The following VSIG8 variants were observed in gnomAD, a reference collection of about 807,000 sequenced individuals.
VSIG8 encodes the protein V-set and immunoglobulin domain-containing protein 8.
In VSIG8, 32 loss-of-function variants were observed where a neutral mutation model predicts 42.6. The observed-to-expected ratio is 0.75, with a 90% CI of 0.57 to 1.01. VSIG8 has a LOEUF of 1.01. VSIG8 is among the 50% of genes least tolerant of loss of function. The probability of loss-of-function intolerance (pLI) is 0.00; values close to 1 mark genes in which losing one functional copy is unlikely to be tolerated. For missense variants in VSIG8, 529 were observed against 558.0 expected (o/e 0.95, Z 0.52); for synonymous variants, 290 against 243.8 (o/e 1.19, Z -1.77).
At chr1:159,855,323 G>C (rs527545203) in intron 6 of VSIG8, 3 of 1,505,630 alleles carry the variant, frequency 2.0e-6, no homozygotes, top group African/African-American at 2.8e-5. Context: ...CTGATGTTTC[G>C]CAGGCCCAGA....
At chr1:159,856,790 C>CAT in intron 4 of VSIG8, 147 bp from the exon 5 acceptor site, 2 of 1,041,302 alleles carry the variant, frequency 1.9e-6, no homozygotes, top group Non-Finnish European at 2.7e-6. Context: ...CACACACACA[C>CAT]TCCACTCTCC....
Position 159,858,189 on chromosome 1 carries a change from T to C in VSIG8, c.331A>G (p.Ile111Val), listed in dbSNP as rs759278278. Residue 111 changes from isoleucine (I) to valine (V), a missense_variant, in exon 3 of 7, where the codon ATC (isoleucine) becomes GTC (valine). Physicochemically the swap from Ile to Val is conservative, Grantham distance 29. Transcript: ENST00000368100. ...ASDPSQYDASINLMNLQVSDT... is the reference protein window; with the variant it reads ...ASDPSQYDASVNLMNLQVSDT... The stretch of plus-strand genomic sequence containing the variant: ...GATACCTGCAGGTTCATGAGGTTGA[T>C]GGAGGCATCGTACTGGCTTGGGTCT... 1.3e-5 allele frequency: 21 copies of C among 1,614,194 alleles called. No individual in the cohort carries two copies. In the East Asian group the frequency reaches 4.5e-4, roughly 34 times the overall value.
intron 1 of VSIG8, 137 bp downstream of exon 1, chr1:159,862,336 G>A (rs7519222): frequency 0.079 from 67,845 of 855,586 alleles, 3,087 homozygotes; most frequent in Middle Eastern, 0.14. Flanking sequence ...ACCCACACCC[G>A]GCTGCAGCAG....
At chr1:159,855,433 T>G in intron 6 of VSIG8, 1 of 1,415,078 alleles carries the variant, frequency 7.1e-7, no homozygotes. Context: ...TCTCCATCTT[T>G]CCCTCCATCC....
At chr1:159,858,003 C>A (rs777244351) in intron 3 of VSIG8, 37 bp from the exon 4 acceptor site, 60 of 1,611,810 alleles carry the variant, frequency 3.7e-5, no homozygotes, top group Non-Finnish European at 4.8e-5. Flanking sequence ...CAGGGCCCAG[C>A]CAAGAGACAG....
chr1:159,854,742 G>A lies in VSIG8; in HGVS notation c.*11C>T, dbSNP rs1490366937. The A allele has an allele frequency of 2.1e-6, 3 of 1,461,734 alleles. No individual in the cohort carries two copies. The highest frequency in any genetic ancestry group is 2.7e-6 in the Non-Finnish European group (3 of 1,115,750). The allele number at this position is 1,461,734 out of a possible 1,614,324, so 90.5% of individuals were successfully genotyped here. ...TCCTGGCTGGGGCGCAGCCCGGCCCGGCGCGCGCGCTCACACCAAGAGGCC... is the reference window on the plus strand; with the variant it reads ...TCCTGGCTGGGGCGCAGCCCGGCCCAGCGCGCGCGCTCACACCAAGAGGCC... On this transcript the variant is annotated 3_prime_UTR_variant, in exon 7 of 7. Coordinates refer to ENST00000368100, the MANE Select transcript of VSIG8 (RefSeq NM_001013661.1).
chr1:159,856,256 C>T (rs1323328197), intron 5 of VSIG8, 175 bp from the exon 6 acceptor site: 2 of 766,328 alleles, frequency 2.6e-6, no homozygotes, highest in African/African-American at 1.8e-5. Context: ...AAGTTAACCC[C>T]TCGTGTCAGC....
chr1:159,857,432 A>G (rs2494502), intron 4 of VSIG8, among the ~76,000 whole-genome samples: 117,589 of 152,052 alleles, frequency 0.77, 45,587 homozygotes, highest in South Asian at 0.88. Flanking sequence ...AAAATTAGCC[A>G]GGTGCGGTGG....
At chr1:159,859,688 A>C (rs912742802) in intron 1 of VSIG8, among the ~76,000 whole-genome samples, 1 of 152,150 alleles carries the variant, frequency 6.6e-6, no homozygotes, top group Non-Finnish European at 1.5e-5. Flanking sequence ...TGTGCCTGGG[A>C]CTATGGCCAC....
chr1:159,860,757 G>A (rs1304504570), intron 1 of VSIG8: 1 of 152,306 alleles, frequency 6.6e-6, no homozygotes, highest in East Asian at 1.9e-4. Context: ...TCGGCTGAGA[G>A]CAGAGGCTCC....
At position 159,854,401 on chromosome 1, in the gene VSIG8, C is replaced by T. The variant is rs757669868; in HGVS notation, c.*352G>A. ...ACAGAACAATTCGTCCAGACAGACC[C>T]CCACCCACCCGGCCCCCGGGGCCCT... On this transcript the variant is annotated 3_prime_UTR_variant, in exon 7 of 7. Coordinates refer to ENST00000368100, the MANE Select transcript of VSIG8 (RefSeq NM_001013661.1). 1 of 281,628 alleles carries T rather than the reference C, an allele frequency of 3.6e-6. No individual in the cohort carries two copies. Among genetic ancestry groups the T allele is most frequent in the Non-Finnish European group, 6.6e-6 (1 of 152,040 alleles). The allele number at this position is 281,628 out of a possible 1,614,324, so 17.4% of individuals were successfully genotyped here.
chr1:159,854,824 T>G lies in VSIG8; in HGVS notation c.1174A>C (p.Lys392Gln). Residue 392 changes from lysine (K) to glutamine (Q), a missense_variant, in exon 7 of 7, where the codon AAG (lysine) becomes CAG (glutamine). Coordinates refer to ENST00000368100, the MANE Select transcript of VSIG8 (RefSeq NM_001013661.1). ...TCAGCCGGCTCCGCGCTCTTGACCTTGACGTAGACCGGGGAGGGGCCCGCT... is the reference window on the plus strand; with the variant it reads ...TCAGCCGGCTCCGCGCTCTTGACCTGGACGTAGACCGGGGAGGGGCCCGCT... ...CEAGPSPVYV[K>Q]VKSAEPADCA... 2.0e-6 allele frequency: 3 copies of G among 1,499,014 alleles called. No individual in the cohort carries two copies. The highest frequency in any genetic ancestry group is 2.7e-6 in the Non-Finnish European group (3 of 1,131,706). The allele number at this position is 1,499,014 out of a possible 1,614,324, so 92.9% of individuals were successfully genotyped here.
chr1:159,859,165 T>C (rs1648945488), intron 1 of VSIG8, among the ~76,000 whole-genome samples: 1 of 152,228 alleles, frequency 6.6e-6, no homozygotes, highest in East Asian at 1.9e-4. Flanking sequence ...TGATTATGTG[T>C]ATGCATGTAT....
intron 5 of VSIG8, 129 bp downstream of exon 5, chr1:159,856,395 G>A: frequency 6.7e-7 from 1 of 1,503,028 alleles, no homozygotes; most frequent in Non-Finnish European, 9.1e-7. Context: ...TGTAGGAAAG[G>A]GGCTGGGAGC....
chr1:159,855,763 G>T, intron 6 of VSIG8, 120 bp downstream of exon 6: 1 of 1,413,096 alleles, frequency 7.1e-7, no homozygotes, highest in Non-Finnish European at 9.2e-7. Context: ...CCAGCACTCC[G>T]TGGCGATGGC....
intron 5 of VSIG8, 36 bp from the exon 6 acceptor site, chr1:159,856,117 A>T: frequency 1.9e-6 from 3 of 1,587,788 alleles, no homozygotes; most frequent in Non-Finnish European, 2.6e-6. Flanking sequence ...AGGCTTTCTC[A>T]CAGCCTGGCA....
intron 4 of VSIG8, 101 bp downstream of exon 4, chr1:159,857,644 G>T: frequency 1.1e-6 from 1 of 930,484 alleles, no homozygotes; most frequent in Non-Finnish European, 1.6e-6. Context: ...GGGATTCCAG[G>T]TTTGATTTGA....
intron 2 of VSIG8, 146 bp from the exon 3 acceptor site, chr1:159,858,437 C>T (rs1346196877): frequency 1.2e-6 from 1 of 865,300 alleles, no homozygotes; most frequent in African/African-American, 1.7e-5. Context: ...GAGCCACTGA[C>T]CTCTTACAGA....
Position 159,858,742 on chromosome 1 carries a change from C to G in VSIG8, c.220G>C (p.Glu74Gln). The change falls in exon 2 of 7, where the codon GAG (glutamate) becomes CAG (glutamine). Residue 74 changes from glutamate (E) to glutamine (Q), a missense_variant. By Grantham distance (29) the Glu-to-Gln change is conservative (BLOSUM62 2). Transcript: ENST00000368100. ...CTGTGCCCAGCACTCACCACGTTCTCTCGGTGGTGGGCGGGGTCTGAGTTG... is the reference window on the plus strand; with the variant it reads ...CTGTGCCCAGCACTCACCACGTTCTGTCGGTGGTGGGCGGGGTCTGAGTTG... ...QVNSDPAHHR[E>Q]NVFLSYQDKR... 6.2e-7 allele frequency: 1 copy of G among 1,611,228 alleles called. No homozygotes were observed. The highest frequency in any genetic ancestry group is 8.5e-7 in the Non-Finnish European group (1 of 1,178,714).
Sources: gnomAD v4.1 joint callset for allele counts (sites outside exome capture counted in the v4.1 genomes callset) on GRCh38, gnomAD v4.1.1 for gene constraint, MANE v1.5 for transcripts, NCBI Gene and HGNC (gene_info 2026-07-23, HGNC 2026-07-21) for gene names.